Variants in TIAM1 observed in about 807,000 individuals in gnomAD.
TIAM1 encodes TIAM Rac1 associated GEF 1.
In TIAM1, 65 loss-of-function variants were observed where a neutral mutation model predicts 163.5. The ratio of observed to expected loss-of-function variants is 0.40; its 90% confidence interval spans 0.33 to 0.49. The LOEUF is 0.49. Ranked by LOEUF, TIAM1 falls within the 20% of genes least tolerant of loss-of-function variation. The probability of loss-of-function intolerance (pLI) is 0.77; values close to 1 mark genes in which losing one functional copy is unlikely to be tolerated. For missense variants in TIAM1, 1,789 were observed against 2,044.7 expected (o/e 0.87, Z 2.41); for synonymous variants, 833 against 810.1 (o/e 1.03, Z -0.48).
chr21:31,301,537 CATT>C (rs1314963066), intron 2 of TIAM1, among the ~76,000 whole-genome samples: 2 of 152,112 alleles, frequency 1.3e-5, no homozygotes, highest in East Asian at 3.8e-4. Flanking sequence ...AGAATGAAAA[CATT>C]ATTCAACATA....
At chr21:31,238,418 C>G (rs1210243446) in intron 6 of TIAM1, among the ~76,000 whole-genome samples, 4 of 152,152 alleles carry the variant, frequency 2.6e-5, no homozygotes, top group Admixed American at 2.0e-4. Context: ...CAAAGGTTTT[C>G]AAAACTAAGA....
intron 2 of TIAM1, among the ~76,000 whole-genome samples, chr21:31,337,518 G>A (rs867999646): frequency 8.3e-4 from 122 of 147,272 alleles, no homozygotes; most frequent in Admixed American, 2.5e-3. Flanking sequence ...TATTATTGTT[G>A]TTATTATTAT....
intron 8 of TIAM1, among the ~76,000 whole-genome samples, chr21:31,218,164 A>C (rs749306349): frequency 1.3e-5 from 2 of 152,200 alleles, no homozygotes; most frequent in Non-Finnish European, 1.5e-5. Context: ...ATCTAAAATT[A>C]CCAATCTCTA....
intron 1 of TIAM1, among the ~76,000 whole-genome samples, chr21:31,339,918 G>A (rs2075965380): frequency 6.6e-6 from 1 of 152,072 alleles, no homozygotes; most frequent in South Asian, 2.1e-4. Context: ...TGAAAACGAC[G>A]CCTCCTTGTT....
chr21:31,323,399 C>A (rs1311856606), intron 2 of TIAM1, among the ~76,000 whole-genome samples: 2 of 151,892 alleles, frequency 1.3e-5, no homozygotes, highest in Admixed American at 1.3e-4. Flanking sequence ...CCAGAAAAAA[C>A]AAAACTATTT....
At chr21:31,500,215 G>A (rs2046806680) in intron 1 of TIAM1, among the ~76,000 whole-genome samples, 1 of 152,092 alleles carries the variant, frequency 6.6e-6, no homozygotes, top group African/African-American at 2.4e-5. Flanking sequence ...AGCAAAGGAG[G>A]ACAAGTACAC....
At chr21:31,182,366 C>T (rs1399845862) in intron 15 of TIAM1, 55 bp downstream of exon 15, 15 of 1,410,614 alleles carry the variant, frequency 1.1e-5, no homozygotes, top group Non-Finnish European at 1.1e-5. Flanking sequence ...ATAAACTCCC[C>T]GGGTCGTGGC....
upstream of TIAM1, among the ~76,000 whole-genome samples, chr21:31,346,563 G>A (rs146134734): frequency 9.2e-5 from 14 of 152,304 alleles, no homozygotes; most frequent in Non-Finnish European, 1.6e-4. Context: ...ATCAGAGATC[G>A]CGTACTTCGG....
chr21:31,163,452 C>A (rs936671691), intron 16 of TIAM1, among the ~76,000 whole-genome samples: 2 of 152,118 alleles, frequency 1.3e-5, no homozygotes, highest in Non-Finnish European at 2.9e-5. Flanking sequence ...TAATTAACAA[C>A]CAACAACATA....
chr21:31,264,453 A>G (rs1362023866), intron 4 of TIAM1, among the ~76,000 whole-genome samples: 5 of 152,230 alleles, frequency 3.3e-5, no homozygotes, highest in Non-Finnish European at 7.3e-5. Flanking sequence ...ACCAGGCACT[A>G]TGCTTCACAT....
Position 31,219,754 on chromosome 21 carries a change from A to G in TIAM1, c.1996-2055T>C, listed in dbSNP as rs8129938. 1.1e-4 allele frequency among the ~76,000 whole-genome samples: 16 copies of G among 139,992 alleles called. 1 individual carries two copies. In the South Asian group the frequency reaches 3.4e-3, roughly 30 times the overall value. 91.8% of individuals were successfully genotyped at this position (139,992 alleles called of 152,430 possible). A position where few individuals can be genotyped will look rare whatever the true frequency, so the allele number is the denominator to read the frequency against. The stretch of plus-strand genomic sequence containing the variant: ...GTTAAAAAAACAAAACAAAACAAAA[A>G]AAAACCCCAGATCAGGGCATAGAAA... On this transcript the variant is annotated intron_variant, in intron 8 of 27. Transcript: ENST00000541036.
In TIAM1 at chr21:31,133,231, G is replaced by A. The variant is rs115342460; in HGVS notation, c.3884-2283C>T. On this transcript the variant is annotated intron_variant, in intron 23 of 27. Coordinates refer to ENST00000541036, the MANE Select transcript of TIAM1 (RefSeq NM_001353694.2). ...CTGGGAATCCACAGAAGCTCATCATGACTACAGCCTTTGTTCATAATCCCA... is the reference window on the plus strand; with the variant it reads ...CTGGGAATCCACAGAAGCTCATCATAACTACAGCCTTTGTTCATAATCCCA... Among the ~76,000 whole-genome samples the A allele has an allele frequency of 4.1e-3, 623 of 152,268 alleles. 4 individuals carry two copies. The highest frequency in any genetic ancestry group is 0.013 in the African/African-American group (540 of 41,538).
intron 2 of TIAM1, among the ~76,000 whole-genome samples, chr21:31,332,148 TAAAAAGGAAAGAAA>T (rs1181333501): frequency 6.6e-6 from 1 of 151,510 alleles, no homozygotes; most frequent in East Asian, 1.9e-4. Context: ...ACTCCTGGAG[TAAAAAGGAAAGAAA>T]GAAAAGGAAA....
intron 8 of TIAM1, among the ~76,000 whole-genome samples, 159 bp downstream of exon 8, chr21:31,223,247 G>T (rs574201370): frequency 6.6e-6 from 1 of 152,236 alleles, no homozygotes; most frequent in Non-Finnish European, 1.5e-5. Context: ...ATTCCAGACA[G>T]GTTTAAATGG....
chr21:31,540,730 G>GT (rs943499791), intron 1 of TIAM1, among the ~76,000 whole-genome samples: 10 of 152,030 alleles, frequency 6.6e-5, no homozygotes, highest in South Asian at 6.2e-4. Flanking sequence ...TCTTTTGTTT[G>GT]TTTTTTTTGC....
chr21:31,147,773 A>ATATAT (rs1010178591), intron 19 of TIAM1, among the ~76,000 whole-genome samples: 1 of 140,100 alleles, frequency 7.1e-6, no homozygotes, highest in African/African-American at 2.6e-5. Flanking sequence ...TATTATATTA[A>ATATAT]TATATTATAT....
chr21:31,312,959 T>G (rs984229472), intron 2 of TIAM1, among the ~76,000 whole-genome samples: 6 of 152,234 alleles, frequency 3.9e-5, no homozygotes, highest in African/African-American at 1.4e-4. Flanking sequence ...GGTCAAGCCC[T>G]CTGAGACATA....
rs763339837 is a variant in TIAM1 at position 31,182,489 on chromosome 21, G to A, written c.2819C>T (p.Pro940Leu). Residue 940 changes from proline to leucine, a missense_variant, in exon 15 of 28, where the codon CCG (proline) becomes CTG (leucine). By Grantham distance (98) the Pro-to-Leu change is moderately conservative (BLOSUM62 -3). Transcript: ENST00000541036. ...GGCAGGGCCGTCCACTCGGTGGGGC[G>A]GGCTTTCCAGCAGCTCCACTCCTTC... ...LEEGVELLES[P>L]PHRVDGPADL... 1.5e-5 allele frequency: 24 copies of A among 1,611,780 alleles called. No individual in the cohort carries two copies. Among genetic ancestry groups the A allele is most frequent in the South Asian group, 2.2e-5 (2 of 90,686 alleles).
At chr21:31,123,396 C>T (rs868202053) in intron 27 of TIAM1, among the ~76,000 whole-genome samples, 4 of 152,262 alleles carry the variant, frequency 2.6e-5, no homozygotes, top group South Asian at 2.1e-4. Flanking sequence ...TGCGAAACTG[C>T]GCATATGGAC....
Sources: gnomAD v4.1 joint callset for allele counts (sites outside exome capture counted in the v4.1 genomes callset) on GRCh38, gnomAD v4.1.1 for gene constraint, MANE v1.5 for transcripts, NCBI Gene and HGNC (gene_info 2026-07-23, HGNC 2026-07-21) for gene names.